The following KATNAL1 variants were observed in gnomAD, a reference collection of about 807,000 sequenced individuals.
The protein encoded by KATNAL1 is katanin p60 ATPase-containing subunit A-like 1.
In KATNAL1, 32 loss-of-function variants were observed where a neutral mutation model predicts 55.2. That is an observed-to-expected ratio of 0.58 (90% CI 0.44 to 0.78). The LOEUF (loss-of-function observed/expected upper bound fraction) is 0.78. KATNAL1 is among the 30% of genes least tolerant of loss of function. The pLI is 0.00. For missense variants in KATNAL1, 466 were observed against 600.9 expected (o/e 0.78, Z 2.35); for synonymous variants, 193 against 193.6 (o/e 1.00, Z 0.02).
intron 3 of KATNAL1, among the ~76,000 whole-genome samples, chr13:30,262,988 G>T (rs187401158): frequency 6.6e-6 from 1 of 152,126 alleles, no homozygotes; most frequent in Non-Finnish European, 1.5e-5. Context: ...CTGGCAAACC[G>T]AATCCAGCAG....
intron 3 of KATNAL1, among the ~76,000 whole-genome samples, chr13:30,278,698 T>A (rs1230652541): frequency 6.6e-6 from 1 of 152,238 alleles, no homozygotes; most frequent in East Asian, 1.9e-4. Context: ...TATTTCAGAA[T>A]TAATGACTTT....
At chr13:30,208,769 A>G (rs767711421) in intron 10 of KATNAL1, 31 bp from the exon 11 acceptor site, 2 of 1,466,338 alleles carry the variant, frequency 1.4e-6, no homozygotes, top group South Asian at 1.3e-5. Flanking sequence ...GTCAACAGTA[A>G]TTTTTGCACA....
At chr13:30,274,894 C>CACGCGCGCGCGCGT (rs1880669195) in intron 3 of KATNAL1, among the ~76,000 whole-genome samples, 2 of 93,276 alleles carry the variant, frequency 2.1e-5, no homozygotes, top group Non-Finnish European at 4.2e-5. Flanking sequence ...CACACATACG[C>CACGCGCGCGCGCGT]GCGCGCGCGC....
chr13:30,230,546 T>G lies in KATNAL1; in HGVS notation c.934A>C (p.Ile312Leu). ...TCAGAGGTTCCTCTTCGACTGCAGA[T>G]AGAATCTATCTCATCAATGAAGATC... is the stretch of plus-strand genomic sequence containing the variant. The part of the protein sequence containing the change: ...TTIFIDEIDS[I>L]CSRRGTSDEH... Residue 312 changes from isoleucine (I) to leucine (L), a missense_variant, in exon 8 of 11, where the codon ATC becomes CTC. Physicochemically the swap from Ile to Leu is conservative, Grantham distance 5. This residue lies in a region of KATNAL1 where 213 missense variants were observed against 308.6 expected (regional missense o/e 0.69). Transcript: ENST00000380615. 1.2e-6 allele frequency: 2 copies of G among 1,612,526 alleles called. No homozygotes were observed. The highest frequency in any genetic ancestry group is 1.7e-6 in the Non-Finnish European group (2 of 1,178,828).
At chr13:30,212,284 T>C (rs946079352) in intron 9 of KATNAL1, among the ~76,000 whole-genome samples, 1 of 152,166 alleles carries the variant, frequency 6.6e-6, no homozygotes, top group Non-Finnish European at 1.5e-5. Flanking sequence ...GAGAAGATAT[T>C]TGTAACATAT....
chr13:30,246,613 G>C (rs1468744105), intron 4 of KATNAL1, among the ~76,000 whole-genome samples: 1 of 152,138 alleles, frequency 6.6e-6, no homozygotes, highest in African/African-American at 2.4e-5. Context: ...GCAACCTACA[G>C]AATGGGAGAC....
At chr13:30,220,304 T>C (rs1219171199) in intron 9 of KATNAL1, among the ~76,000 whole-genome samples, 1 of 151,978 alleles carries the variant, frequency 6.6e-6, no homozygotes, top group African/African-American at 2.4e-5. Flanking sequence ...CTACTAAAAA[T>C]ACCAAAGTTA....
intron 1 of KATNAL1, among the ~76,000 whole-genome samples, chr13:30,292,775 C>A (rs913082345): frequency 1.3e-5 from 2 of 152,118 alleles, no homozygotes; most frequent in African/African-American, 4.8e-5. Flanking sequence ...TGCAACTGTG[C>A]ATGTCTGTAA....
intron 3 of KATNAL1, among the ~76,000 whole-genome samples, chr13:30,271,772 C>A (rs1241028239): frequency 2.0e-5 from 3 of 150,886 alleles, no homozygotes; most frequent in African/African-American, 7.3e-5. Context: ...AGGGTAAGGA[C>A]CTTCTTTCTA....
At chr13:30,226,483 T>C (rs1039830750) in intron 9 of KATNAL1, among the ~76,000 whole-genome samples, 2 of 152,142 alleles carry the variant, frequency 1.3e-5, no homozygotes, top group East Asian at 1.9e-4. Context: ...CCAGACACAG[T>C]GAGTACATGC....
At position 30,227,488 on chromosome 13, in the gene KATNAL1, A is replaced by G. The variant is rs1379222634; in HGVS notation, c.1071T>C (p.Ala357=). The G allele has an allele frequency of 6.2e-7, 1 of 1,613,832 alleles. No individual in the cohort carries two copies. Among genetic ancestry groups the G allele is most frequent in the African/African-American group, 1.3e-5 (1 of 74,934 alleles). The change falls in exon 9 of 11, where the codon GCT becomes GCC. Residue 357 remains alanine (A), a synonymous_variant. Coordinates refer to ENST00000380615, the MANE Select transcript of KATNAL1 (RefSeq NM_032116.5). ...DPSKMVMVLA[A]TNFPWDIDEA... ...CATCAATGTCCCACGGGAAATTAGT[A>G]GCAGCCAATACCATAACCATTTTGG...
At chr13:30,274,907 G>GCGCGCACGCA (rs869107567) in intron 3 of KATNAL1, among the ~76,000 whole-genome samples, 11 of 105,434 alleles carry the variant, frequency 1.0e-4, no homozygotes, top group African/African-American at 3.6e-4. Context: ...GCGCGCGCGC[G>GCGCGCACGCA]CACACACACA....
intron 1 of KATNAL1, among the ~76,000 whole-genome samples, chr13:30,289,714 T>C (rs184272747): frequency 2.8e-4 from 43 of 152,356 alleles, no homozygotes; most frequent in Non-Finnish European, 5.3e-4. Context: ...ATTTTTTTCA[T>C]CTTTTCTTGT....
Position 30,205,985 on chromosome 13 carries a change from G to C in KATNAL1, c.*2555C>G, listed in dbSNP as rs1873110686. On this transcript the variant is annotated 3_prime_UTR_variant, in exon 11 of 11. Transcript: ENST00000380615. ...GTGTGTGTGTGTGTGTGTGTGTGTT[G>C]TATATTAAAAGTTAGGGCCAGGTGC... The C allele has an allele frequency of 7.7e-6, 1 of 130,488 alleles. No individual in the cohort carries two copies. Among genetic ancestry groups the C allele is most frequent in the Non-Finnish European group, 1.6e-5 (1 of 61,202 alleles). The allele number at this position is 130,488 out of a possible 1,614,324, so 8.1% of individuals were successfully genotyped here.
chr13:30,225,776 T>C (rs1384046560), intron 9 of KATNAL1, among the ~76,000 whole-genome samples: 3 of 151,808 alleles, frequency 2.0e-5, no homozygotes, highest in African/African-American at 7.3e-5. Flanking sequence ...ACAAGATTTC[T>C]TAAGACACAA....
chr13:30,271,115 C>T (rs909839801), intron 3 of KATNAL1, among the ~76,000 whole-genome samples: 30 of 152,152 alleles, frequency 2.0e-4, no homozygotes, highest in African/African-American at 7.2e-4. Context: ...ATGAAAATGG[C>T]AAACACATCC....
chr13:30,230,414 T>C lies in KATNAL1; in HGVS notation c.1012+54A>G. On this transcript the variant is annotated intron_variant, in intron 8 of 10. Coordinates refer to ENST00000380615, the MANE Select transcript of KATNAL1 (RefSeq NM_032116.5). The stretch of plus-strand genomic sequence containing the variant: ...CTAATCCATCCATTGATTATGAGTT[T>C]ACACAAAATATTTAAAAATGAGAGT... 4 of 1,535,904 alleles carry C rather than the reference T, an allele frequency of 2.6e-6. No homozygotes were observed. The South Asian group carries it at 4.8e-5, about 18-fold the overall frequency.
intron 9 of KATNAL1, among the ~76,000 whole-genome samples, chr13:30,217,747 A>G (rs568100087): frequency 2.8e-4 from 42 of 152,124 alleles, no homozygotes; most frequent in Non-Finnish European, 4.7e-4. Context: ...CCTAAGTAAA[A>G]TAAGAACAGA....
chr13:30,250,104 C>G (rs1878162181), intron 4 of KATNAL1, among the ~76,000 whole-genome samples: 1 of 152,172 alleles, frequency 6.6e-6, no homozygotes, highest in East Asian at 1.9e-4. Context: ...CTCATCTCAA[C>G]TATGAGTTCA....
Sources: allele counts gnomAD v4.1 joint callset (sites outside exome capture counted in the v4.1 genomes callset), GRCh38; gene constraint gnomAD v4.1.1; regional missense constraint gnomAD v4.1.1; transcripts MANE v1.5; gene names NCBI Gene and HGNC (gene_info 2026-07-23, HGNC 2026-07-21).